Variants in TMEM132D observed in about 807,000 individuals in gnomAD.
The protein encoded by TMEM132D is transmembrane protein 132D.
TMEM132D carries 21 observed loss-of-function variants against 62.3 expected under a neutral mutation model. The ratio of observed to expected loss-of-function variants is 0.34; its 90% CI spans 0.24 to 0.49. The LOEUF is 0.49. TMEM132D is among the 20% of genes least tolerant of loss of function. TMEM132D has a pLI of 0.99. For missense variants in TMEM132D, 1,346 were observed against 1,402.8 expected, an observed-to-expected ratio of 0.96 and a Z score of 0.65; for synonymous variants, 621 against 575.6, an observed-to-expected ratio of 1.08 and a Z score of -1.13.
intron 4 of TMEM132D, among the ~76,000 whole-genome samples, chr12:129,246,315 C>A (rs146857069): frequency 3.9e-5 from 6 of 152,052 alleles, no homozygotes; most frequent in African/African-American, 1.4e-4. Context: ...AAGAGAAAGG[C>A]GGAATGACGC....
At chr12:129,807,645 T>A (rs1031901011) in intron 1 of TMEM132D, among the ~76,000 whole-genome samples, 1 of 152,160 alleles carries the variant, frequency 6.6e-6, no homozygotes, top group Non-Finnish European at 1.5e-5. Context: ...ATTGTTAACA[T>A]CTGTCTTCCG....
chr12:129,084,726 G>A (rs1399158942), intron 5 of TMEM132D, 24 bp from the exon 6 acceptor site: 1 of 1,610,724 alleles, frequency 6.2e-7, no homozygotes, highest in Non-Finnish European at 8.5e-7. Context: ...AGAGAGAAAA[G>A]GGGAGGGAAA....
At chr12:129,366,605 C>T (rs1382193911) in intron 3 of TMEM132D, among the ~76,000 whole-genome samples, 1 of 152,202 alleles carries the variant, frequency 6.6e-6, no homozygotes, top group Non-Finnish European at 1.5e-5. Context: ...TATAGGAATG[C>T]AAGAATGGAC....
At chr12:129,269,647 A>G (rs1292467121) in intron 4 of TMEM132D, among the ~76,000 whole-genome samples, 1 of 152,068 alleles carries the variant, frequency 6.6e-6, no homozygotes, top group African/African-American at 2.4e-5. Context: ...ACCCACGAAG[A>G]GGAAAGATGA....
chr12:129,340,252 A>G (rs1332842136), intron 3 of TMEM132D, among the ~76,000 whole-genome samples: 2 of 152,052 alleles, frequency 1.3e-5, no homozygotes, highest in Admixed American at 6.6e-5. Flanking sequence ...GTCTTTTTTC[A>G]GCCAACTGCC....
chr12:129,460,375 G>T (rs1357152973), intron 3 of TMEM132D, among the ~76,000 whole-genome samples: 1 of 152,120 alleles, frequency 6.6e-6, no homozygotes, highest in East Asian at 1.9e-4. Context: ...TTGAAAAAGC[G>T]GATAAGGTCC....
intron 5 of TMEM132D, among the ~76,000 whole-genome samples, chr12:129,142,453 C>T (rs970463938): frequency 2.0e-5 from 3 of 152,124 alleles, no homozygotes; most frequent in African/African-American, 7.2e-5. Context: ...CCTTTATATC[C>T]TTTGATTACT....
At chr12:129,893,645 T>G (rs975744454) in intron 1 of TMEM132D, among the ~76,000 whole-genome samples, 5 of 152,234 alleles carry the variant, frequency 3.3e-5, no homozygotes, top group African/African-American at 1.2e-4. Flanking sequence ...AATTTTCCAT[T>G]TTTCCCCTTC....
chr12:129,767,003 C>T (rs557894757), intron 1 of TMEM132D, among the ~76,000 whole-genome samples: 5 of 152,190 alleles, frequency 3.3e-5, no homozygotes, highest in South Asian at 2.1e-4. Context: ...ACTGCACAGC[C>T]GCCCCTGGGC....
At chr12:129,111,534 G>C (rs766385740) in intron 5 of TMEM132D, 2 of 152,126 alleles carry the variant, frequency 1.3e-5, no homozygotes, top group African/African-American at 2.4e-5. Flanking sequence ...CTGATGGGTG[G>C]GCATCCGGCG....
intron 2 of TMEM132D, among the ~76,000 whole-genome samples, chr12:129,629,893 A>C (rs1444298837): frequency 6.6e-6 from 1 of 152,190 alleles, no homozygotes; most frequent in Non-Finnish European, 1.5e-5. Context: ...TGTGTAGTCA[A>C]ATGTGGATCT....
At position 129,078,717 on chromosome 12, in the gene TMEM132D, A is replaced by G; in HGVS notation, c.1932T>C (p.Ser644=). ...ELGMTTIQIL[S]PLSDTILAEK... is the part of the protein sequence containing the mutation. ...CAGCGAGGATGGTGTCTGACAGAGG[A>G]GACAGGATCTGGAGGGCAGAAGCGA... The change falls in exon 8 of 9, where the codon TCT becomes TCC. Residue 644 remains serine (S), a synonymous_variant. Coordinates refer to ENST00000422113, the MANE Select transcript of TMEM132D (RefSeq NM_133448.3). 6.2e-7 allele frequency: 1 copy of G among 1,613,836 alleles called. No individual in the cohort carries two copies. The highest frequency in any genetic ancestry group is 8.5e-7 in the Non-Finnish European group (1 of 1,179,774).
Position 129,335,127 on chromosome 12 carries a change from CT to C in TMEM132D, c.1299+2506del, listed in dbSNP as rs386378228. 7.7e-3 allele frequency among the ~76,000 whole-genome samples: 805 copies of C among 104,644 alleles called. 2 individuals carry two copies. Among genetic ancestry groups the C allele is most frequent in the African/African-American group, 0.028 (750 of 26,884 alleles). The allele number at this position is 104,644 out of a possible 152,430, so 68.7% of individuals were successfully genotyped here. On this transcript the variant is annotated intron_variant, in intron 4 of 8. Transcript: ENST00000422113. Reference sequence around the variant, plus strand: ...TATAGGCTGGGTACTCTAATAAGTACTTTTTTTTTTTTTTTTTTTTTTGAGG... The same window carrying C: ...TATAGGCTGGGTACTCTAATAAGTACTTTTTTTTTTTTTTTTTTTTTGAGG...
At chr12:129,902,142 C>T (rs1243108465) in intron 1 of TMEM132D, among the ~76,000 whole-genome samples, 1 of 152,180 alleles carries the variant, frequency 6.6e-6, no homozygotes, top group African/African-American at 2.4e-5. Flanking sequence ...TTTCAACTGT[C>T]TTCATCTATT....
rs60342155 is a variant in TMEM132D at position 129,389,080 on chromosome 12, G to A, written c.1116-51263C>T. ...GAATCCTAATATAAACACTAACACC[G>A]ACACCAATGCTAACACCGACACCAA... On this transcript the variant is annotated intron_variant, in intron 3 of 8. Coordinates refer to ENST00000422113, the MANE Select transcript of TMEM132D (RefSeq NM_133448.3). Among the ~76,000 whole-genome samples the A allele has an allele frequency of 8.3e-4, 71 of 85,950 alleles. 7 individuals are homozygous for A. The highest frequency in any genetic ancestry group is 1.2e-3 in the Non-Finnish European group (47 of 39,648). The allele number at this position is 85,950 out of a possible 152,430, so 56.4% of individuals were successfully genotyped here. A position where few individuals can be genotyped will look rare whatever the true frequency, so the allele number is the denominator to read the frequency against.
At chr12:129,899,304 CATGG>C (rs61141755) in intron 1 of TMEM132D, among the ~76,000 whole-genome samples, 2,192 of 125,248 alleles carry the variant, frequency 0.018, 144 homozygotes, top group African/African-American at 0.047. Flanking sequence ...TGGATGCATG[CATGG>C]ATGGATGGAT....
At chr12:129,393,280 G>A (rs1442354999) in intron 3 of TMEM132D, among the ~76,000 whole-genome samples, 1 of 152,224 alleles carries the variant, frequency 6.6e-6, no homozygotes, top group Admixed American at 6.5e-5. Flanking sequence ...TTGGTTGAAT[G>A]AGTGAGTGAA....
At chr12:129,579,775 A>G (rs1156412553) in intron 2 of TMEM132D, among the ~76,000 whole-genome samples, 1 of 152,178 alleles carries the variant, frequency 6.6e-6, no homozygotes, top group African/African-American at 2.4e-5. Context: ...TCAAATATCA[A>G]TCTCCTCTGG....
At chr12:129,748,615 T>C (rs761784451) in intron 1 of TMEM132D, among the ~76,000 whole-genome samples, 4 of 152,068 alleles carry the variant, frequency 2.6e-5, no homozygotes, top group Non-Finnish European at 5.9e-5. Context: ...GGAAAGAAAG[T>C]TCTGGAACGA....
Sources: gnomAD v4.1 joint callset for allele counts (sites outside exome capture counted in the v4.1 genomes callset) on GRCh38, gnomAD v4.1.1 for gene constraint, MANE v1.5 for transcripts, NCBI Gene and HGNC (gene_info 2026-07-23, HGNC 2026-07-21) for gene names.